Variants in CCDC88A observed in about 807,000 individuals in gnomAD.
The protein encoded by CCDC88A is girdin.
A neutral mutation model predicts 234.3 loss-of-function variants in CCDC88A; 54 were observed. That is an observed-to-expected ratio of 0.23 (90% CI 0.19 to 0.29). The LOEUF (loss-of-function observed/expected upper bound fraction) is 0.29, where lower values mean the gene tolerates loss of function less well. Among genes scored for constraint, CCDC88A ranks in the 10% least tolerant of loss-of-function variants. The pLI is 1.00. For synonymous variants in CCDC88A, 753 were observed against 737.8 expected, an observed-to-expected ratio of 1.02 and a Z score of -0.33; for missense variants, 1,832 against 2,123.4, an observed-to-expected ratio of 0.86 and a Z score of 2.70.
intron 2 of CCDC88A, 181 bp downstream of exon 2, chr2:55,418,635 T>C: frequency 3.4e-6 from 2 of 596,454 alleles, no homozygotes; most frequent in Non-Finnish European, 6.0e-6. Flanking sequence ...AGGTAAAATA[T>C]CTAGGTTGTG....
At chr2:55,344,299 A>C (rs904426802) in intron 11 of CCDC88A, 69 bp downstream of exon 11, 3 of 1,154,724 alleles carry the variant, frequency 2.6e-6, no homozygotes, top group Non-Finnish European at 3.6e-6. Flanking sequence ...TTGCCAATAC[A>C]GGGAAATCAG....
chr2:55,404,425 AC>A (rs1679214969), intron 2 of CCDC88A: 1 of 152,158 alleles, frequency 6.6e-6, no homozygotes, highest in African/African-American at 2.4e-5. Context: ...TTTTCAGTGT[AC>A]CAGAAAAGTG....
chr2:55,287,930 C>G lies in CCDC88A; in HGVS notation c.*3270G>C, dbSNP rs1270507025. The G allele has an allele frequency of 6.6e-6, 1 of 152,428 alleles. No individual in the cohort carries two copies. The highest frequency in any genetic ancestry group is 2.4e-5 in the African/African-American group (1 of 41,374). 9.4% of individuals were successfully genotyped at this position (152,428 alleles called of 1,614,324 possible). A position where few individuals can be genotyped will look rare whatever the true frequency, so the allele number is the denominator to read the frequency against. ...TCCAACTTAATTTTTGAAGGAGAAA[C>G]AAAATGAAAAATGTTTTTTAAAAAA... is the stretch of plus-strand genomic sequence containing the variant. On this transcript the variant is annotated 3_prime_UTR_variant, in exon 33 of 33. Transcript: ENST00000436346.
At position 55,301,976 on chromosome 2, in the gene CCDC88A, C is replaced by T. The variant is rs562047870; in HGVS notation, c.4568G>A (p.Arg1523Lys). 2.5e-6 allele frequency: 4 copies of T among 1,614,072 alleles called. No individual in the cohort carries two copies. In the Admixed American group the frequency reaches 6.7e-5, roughly 27 times the overall value. ...EVPDDISTGK[R>K]RKELGAMAFS... Reference sequence around the variant, plus strand: ...GGCCATAGCTCCCAATTCTTTTCTCCTTTTACCCGTTGAAATATCATCAGG... The same window carrying T: ...GGCCATAGCTCCCAATTCTTTTCTCTTTTTACCCGTTGAAATATCATCAGG... The change falls in exon 27 of 33, where the codon AGG becomes AAG. Residue 1523 changes from arginine (R) to lysine (K), a missense_variant. This residue lies in a region of CCDC88A where 422 missense variants were observed against 416.5 expected (regional missense o/e 1.01). Coordinates refer to ENST00000436346, the MANE Select transcript of CCDC88A (RefSeq NM_001365480.1).
chr2:55,315,833 T>C (rs985379914), intron 22 of CCDC88A, 95 bp downstream of exon 22: 3 of 627,834 alleles, frequency 4.8e-6, no homozygotes, highest in Non-Finnish European at 7.7e-6. Flanking sequence ...CCACTAAATA[T>C]ATACTAGTAT....
At chr2:55,407,287 T>C (rs1679749508) in intron 2 of CCDC88A, among the ~76,000 whole-genome samples, 1 of 152,052 alleles carries the variant, frequency 6.6e-6, no homozygotes, top group Non-Finnish European at 1.5e-5. Context: ...AAGTCTGATT[T>C]TTAACATAAG....
rs143047672 is a variant in CCDC88A at position 55,291,752 on chromosome 2, T to C, written c.5575A>G (p.Arg1859Gly). Residue 1859 changes from arginine (R) to glycine (G), a missense_variant, in exon 32 of 33, where the codon AGA (arginine) becomes GGA (glycine). This residue lies in a region of CCDC88A where 422 missense variants were observed against 416.5 expected (regional missense o/e 1.01). Transcript: ENST00000436346. ...ASNVDKVQES[R>G]NSKSRSREQQ... ...TCCCTAGACCTGCTTTTTGAATTTC[T>C]GCTTTCTTGTACTTTGTCCACATCT... The C allele has an allele frequency of 1.2e-6, 2 of 1,612,582 alleles. No individual in the cohort carries two copies. Among genetic ancestry groups the C allele is most frequent in the Admixed American group, 1.7e-5 (1 of 59,894 alleles).
chr2:55,296,413 A>T lies in CCDC88A; in HGVS notation c.4936T>A (p.Leu1646Met). ...SSSGSSPIQYLKRQTRSSPVL... is the reference protein window; with the variant it reads ...SSSGSSPIQYMKRQTRSSPVL... ...GGGCTTGATCTGGTCTGTCTTTTCA[A>T]GTACTGGATTGGACTGCTACCACTG... The change falls in exon 30 of 33, where the codon TTG becomes ATG. Residue 1646 changes from leucine to methionine, a missense_variant. Leu to Met is a conservative substitution (Grantham distance 15, BLOSUM62 2). Transcript: ENST00000436346. The T allele has an allele frequency of 6.2e-7, 1 of 1,614,174 alleles. No individual in the cohort carries two copies. Among genetic ancestry groups the T allele is most frequent in the Non-Finnish European group, 8.5e-7 (1 of 1,180,032 alleles).
At chr2:55,331,522 G>A (rs1273945523) in intron 16 of CCDC88A, among the ~76,000 whole-genome samples, 1 of 152,192 alleles carries the variant, frequency 6.6e-6, no homozygotes, top group East Asian at 1.9e-4. Context: ...CAGTAATAAT[G>A]AGTAGATAAA....
Position 55,418,784 on chromosome 2 carries a change from A to C in CCDC88A, c.164+32T>G, listed in dbSNP as rs1558864574. The C allele has an allele frequency of 2.6e-6, 4 of 1,545,902 alleles. No individual in the cohort carries two copies. The East Asian group carries it at 6.7e-5, about 26-fold the overall frequency. ...TTCACCATATGCTATTTCTCAAAGAAAACGTTACCTAGGAAAGAAGGAAGA... is the reference window on the plus strand; with the variant it reads ...TTCACCATATGCTATTTCTCAAAGACAACGTTACCTAGGAAAGAAGGAAGA... On this transcript the variant is annotated intron_variant, in intron 2 of 32. Transcript: ENST00000436346.
intron 2 of CCDC88A, among the ~76,000 whole-genome samples, chr2:55,401,433 C>CAAAAAAAAAAAAAAAAAAAAAAA (rs1418741634): frequency 3.3e-5 from 1 of 30,146 alleles, no homozygotes. Context: ...GACTCTGTCT[C>CAAAAAAAAAAAAAAAAAAAAAAA]CAAAAAAAAA....
intron 8 of CCDC88A, 71 bp downstream of exon 8, chr2:55,355,508 G>T: frequency 1.5e-6 from 2 of 1,297,040 alleles, no homozygotes; most frequent in Non-Finnish European, 2.2e-6. Flanking sequence ...ATTTCCATAA[G>T]CTTAAAAATA....
Position 55,317,929 on chromosome 2 carries a change from G to T in CCDC88A, c.3325-88C>A. ...AAGATTACAATGTTAATTAAAGAAA[G>T]CTCTAAATGAATCACAGCACACATA... is the stretch of plus-strand genomic sequence containing the variant. On this transcript the variant is annotated intron_variant, in intron 19 of 32. Coordinates refer to ENST00000436346, the MANE Select transcript of CCDC88A (RefSeq NM_001365480.1). This position sits in a 1 kb window ranked among gnomAD's most constrained non-coding sequence, Gnocchi z 4.2. 2 of 965,764 alleles carry T rather than the reference G, an allele frequency of 2.1e-6. No individual in the cohort carries two copies. Among genetic ancestry groups the T allele is most frequent in the Non-Finnish European group, 1.5e-6 (1 of 653,198 alleles). 59.8% of individuals were successfully genotyped at this position (965,764 alleles called of 1,614,324 possible).
intron 23 of CCDC88A, 121 bp downstream of exon 23, chr2:55,312,313 G>T: frequency 1.3e-6 from 1 of 776,448 alleles, no homozygotes; most frequent in Non-Finnish European, 2.1e-6. Context: ...TGGAATATAA[G>T]CACTCAAAAA....
intron 3 of CCDC88A, among the ~76,000 whole-genome samples, chr2:55,382,938 G>A (rs1168233485): frequency 6.6e-6 from 1 of 151,438 alleles, no homozygotes; most frequent in African/African-American, 2.4e-5. Context: ...ATGAAAATAG[G>A]GACATGGTAT....
In CCDC88A at chr2:55,386,424, ACT is replaced by A. The variant is rs1425858917; in HGVS notation, c.273+2352_273+2353del. Among the ~76,000 whole-genome samples, 66 of 104,958 alleles carry A rather than the reference ACT, an allele frequency of 6.3e-4. 1 individual carries two copies. The highest frequency in any genetic ancestry group is 2.5e-3 in the African/African-American group (65 of 26,394). The allele number at this position is 104,958 out of a possible 152,430, so 68.9% of individuals were successfully genotyped here. On this transcript the variant is annotated intron_variant, in intron 3 of 32. Coordinates refer to ENST00000436346, the MANE Select transcript of CCDC88A (RefSeq NM_001365480.1). ...AGACCAGCCTGGGCAACATAGTGAG[ACT>A]CTGTCTCTTTTTTATTTTATTTTTT...
At chr2:55,382,749 C>T (rs1674801369) in intron 3 of CCDC88A, among the ~76,000 whole-genome samples, 1 of 152,080 alleles carries the variant, frequency 6.6e-6, no homozygotes, top group African/African-American at 2.4e-5. Flanking sequence ...GTCTGAATTG[C>T]CATTTAACCA....
chr2:55,408,976 G>A (rs780801272), intron 2 of CCDC88A, among the ~76,000 whole-genome samples: 8 of 151,240 alleles, frequency 5.3e-5, no homozygotes, highest in Non-Finnish European at 1.0e-4. Context: ...TCCCACGTCT[G>A]TTTATTCAGA....
chr2:55,412,371 G>A (rs1574524017), intron 2 of CCDC88A, among the ~76,000 whole-genome samples: 1 of 152,226 alleles, frequency 6.6e-6, no homozygotes, highest in African/African-American at 2.4e-5. Flanking sequence ...TCTAGAGCAG[G>A]AGTCTCTAAC....
Sources: allele counts gnomAD v4.1 joint callset (sites outside exome capture counted in the v4.1 genomes callset), GRCh38; gene constraint gnomAD v4.1.1; regional missense constraint gnomAD v4.1.1; non-coding constraint Gnocchi (gnomAD v3.1); transcripts MANE v1.5; gene names NCBI Gene and HGNC (gene_info 2026-07-23, HGNC 2026-07-21).